Variants in PGBD5 observed in about 807,000 individuals in gnomAD.
PGBD5 encodes piggyBac transposable element derived 5.
PGBD5 carries 14 observed loss-of-function variants against 47.9 expected under a neutral mutation model. That is an observed-to-expected ratio of 0.29 (90% CI 0.19 to 0.46). PGBD5 has a LOEUF of 0.46. Among genes scored for constraint, PGBD5 ranks in the 20% least tolerant of loss-of-function variants. The pLI is 1.00. For missense variants in PGBD5, 635 were observed against 716.0 expected (o/e 0.89, Z 1.29); for synonymous variants, 316 against 306.3 (o/e 1.03, Z -0.33).
At chr1:230,408,907 G>C (rs1657352706) in intron 1 of PGBD5, among the ~76,000 whole-genome samples, 1 of 152,048 alleles carries the variant, frequency 6.6e-6, no homozygotes, top group Non-Finnish European at 1.5e-5. Flanking sequence ...CATGAAGAGA[G>C]TGAAAAGACA....
rs531280291 is a variant in PGBD5, at chr1:230,357,388, G to A, written c.332-67C>T. The A allele has an allele frequency of 3.0e-4, 461 of 1,528,476 alleles. 3 individuals carry two copies. The South Asian group carries it at 5.1e-3, about 17-fold the overall frequency. The allele number at this position is 1,528,476 out of a possible 1,614,324, so 94.7% of individuals were successfully genotyped here. On this transcript the variant is annotated intron_variant, in intron 1 of 6. Coordinates refer to ENST00000391860, the MANE Select transcript of PGBD5 (RefSeq NM_001258311.2). The surrounding 1 kb of genome is among the most constrained non-coding windows in gnomAD (Gnocchi z 5.7). ...CCACACCCTGACTCGACACGAGAAC[G>A]GCTGCATTTCCAATCCCTGGGTCCC...
chr1:230,332,733 C>A, intron 5 of PGBD5, 111 bp downstream of exon 5: 2 of 1,295,666 alleles, frequency 1.5e-6, no homozygotes, highest in African/African-American at 1.5e-5. Context: ...GTAGTCTGAC[C>A]CCAGAGCAGC....
intron 1 of PGBD5, among the ~76,000 whole-genome samples, chr1:230,416,338 T>A (rs937239629): frequency 6.6e-6 from 1 of 152,204 alleles, no homozygotes; most frequent in Admixed American, 6.5e-5. Flanking sequence ...TGTGAACATT[T>A]TTTACCGGCA....
At position 230,356,975 on chromosome 1, in the gene PGBD5, C is replaced by T. The variant is rs753899757; in HGVS notation, c.678G>A (p.Thr226=). ...AGGGCTGGACCTTGTAGAGCCCGTG[C>T]GTGGTCTGGCTGGAGCGGAAGGCCA... ...HVVAFRSSQT[T]HGLYKVQPFL... is the part of the protein sequence containing the mutation. Residue 226 remains threonine, a synonymous_variant, in exon 2 of 7, where the codon ACG becomes ACA. Transcript: ENST00000391860. The T allele has an allele frequency of 5.0e-6, 8 of 1,614,158 alleles. No individual in the cohort carries two copies. The highest frequency in any genetic ancestry group is 2.2e-5 in the East Asian group (1 of 44,872).
intron 1 of PGBD5, among the ~76,000 whole-genome samples, chr1:230,418,651 A>C (rs1657577982): frequency 6.6e-6 from 1 of 152,080 alleles, no homozygotes; most frequent in Non-Finnish European, 1.5e-5. Flanking sequence ...CGCTTGGCTA[A>C]TTTTTTAGAA....
At chr1:230,339,854 G>A (rs1477441702) in intron 3 of PGBD5, among the ~76,000 whole-genome samples, 1 of 152,140 alleles carries the variant, frequency 6.6e-6, no homozygotes, top group Non-Finnish European at 1.5e-5. Context: ...GGAAGTGGGA[G>A]TGGGGAGGTA....
chr1:230,425,115 T>C lies in PGBD5; in HGVS notation c.331+483A>G, dbSNP rs1371318138. Among the ~76,000 whole-genome samples the C allele has an allele frequency of 1.3e-5, 2 of 151,850 alleles. No homozygotes were observed. Among genetic ancestry groups the C allele is most frequent in the Non-Finnish European group, 2.9e-5 (2 of 67,960 alleles). ...GTCAAGACGCCGCGGGTGGCCTCTC[T>C]CTCAACTCTCACTGGGCCAACTCCT... is the stretch of plus-strand genomic sequence containing the variant. On this transcript the variant is annotated intron_variant, in intron 1 of 6. Coordinates refer to ENST00000391860, the MANE Select transcript of PGBD5 (RefSeq NM_001258311.2). This position sits in a 1 kb window ranked among gnomAD's most constrained non-coding sequence, Gnocchi z 4.7.
chr1:230,355,288 G>A (rs971014973), intron 2 of PGBD5, among the ~76,000 whole-genome samples: 8 of 152,226 alleles, frequency 5.3e-5, no homozygotes, highest in African/African-American at 1.7e-4. Flanking sequence ...GCAGAGAGGT[G>A]AGCCCACAAG....
rs554077664 is a variant in PGBD5, at chr1:230,344,828, T to C, written c.894+6130A>G. ...AAGCCCTGCCTCCACTGAGCAGGGC[T>C]GTCATCCAGAATTGCCTCCTTGACA... On this transcript the variant is annotated intron_variant, in intron 3 of 6. Coordinates refer to ENST00000391860, the MANE Select transcript of PGBD5 (RefSeq NM_001258311.2). Among the ~76,000 whole-genome samples the C allele has an allele frequency of 9.8e-5, 15 of 152,326 alleles. No homozygotes were observed. The East Asian group carries it at 2.3e-3, about 24-fold the overall frequency.
intron 1 of PGBD5, among the ~76,000 whole-genome samples, chr1:230,410,825 TAATAAAA>T (rs1220251308): frequency 2.6e-5 from 4 of 152,054 alleles, no homozygotes; most frequent in East Asian, 1.9e-4. Context: ...AAGTTCAAAC[TAATAAAA>T]AATAAAAAAG....
intron 3 of PGBD5, among the ~76,000 whole-genome samples, chr1:230,341,126 C>T (rs955891220): frequency 1.3e-5 from 2 of 152,128 alleles, no homozygotes; most frequent in Admixed American, 1.3e-4. Flanking sequence ...GCACTCATTG[C>T]TATAAAATAA....
At chr1:230,389,275 C>T (rs1038730014) in intron 1 of PGBD5, among the ~76,000 whole-genome samples, 3 of 151,736 alleles carry the variant, frequency 2.0e-5, no homozygotes, top group South Asian at 2.1e-4. Context: ...CGGGTTCAAG[C>T]GATTCTCCTG....
chr1:230,380,781 A>G (rs1167483126), intron 1 of PGBD5, among the ~76,000 whole-genome samples: 1 of 152,252 alleles, frequency 6.6e-6, no homozygotes, highest in Non-Finnish European at 1.5e-5. Flanking sequence ...TCTTGGGCTC[A>G]ATCACAGCTT....
At chr1:230,391,209 G>C (rs12082821) in intron 1 of PGBD5, among the ~76,000 whole-genome samples, 11,754 of 152,008 alleles carry the variant, frequency 0.077, 1,511 homozygotes, top group African/African-American at 0.26. Flanking sequence ...CTGACATCTG[G>C]AACAAAGCAG....
At chr1:230,342,009 A>G (rs922055440) in intron 3 of PGBD5, among the ~76,000 whole-genome samples, 50 of 152,306 alleles carry the variant, frequency 3.3e-4, no homozygotes, top group African/African-American at 1.2e-3. Flanking sequence ...CATTACAACA[A>G]AAAGGATCTT....
At chr1:230,404,189 C>A (rs1657213570) in intron 1 of PGBD5, among the ~76,000 whole-genome samples, 1 of 152,088 alleles carries the variant, frequency 6.6e-6, no homozygotes, top group Non-Finnish European at 1.5e-5. Context: ...GCAGTGAAGA[C>A]CCCAAGCTCT....
At chr1:230,335,791 AGG>A (rs1261589883) in intron 4 of PGBD5, among the ~76,000 whole-genome samples, 35 of 108,486 alleles carry the variant, frequency 3.2e-4, no homozygotes, top group African/African-American at 7.1e-4. Context: ...ACACACACAC[AGG>A]CACAAAGACA....
chr1:230,366,147 C>G (rs564943349), intron 1 of PGBD5, among the ~76,000 whole-genome samples: 1 of 152,316 alleles, frequency 6.6e-6, no homozygotes, highest in South Asian at 2.1e-4. Flanking sequence ...CCTGCCATGC[C>G]TATGTGTGCT....
chr1:230,367,989 A>T (rs772581173), intron 1 of PGBD5: 1 of 1,367,796 alleles, frequency 7.3e-7, no homozygotes. Context: ...GACACCAAGG[A>T]GCTGGGGGTT....
Sources: gnomAD v4.1 joint callset for allele counts (sites outside exome capture counted in the v4.1 genomes callset) on GRCh38, gnomAD v4.1.1 for gene constraint, Gnocchi (gnomAD v3.1) non-coding constraint, MANE v1.5 for transcripts, NCBI Gene and HGNC (gene_info 2026-07-23, HGNC 2026-07-21) for gene names.